KRT32: variants seen among roughly 807,000 people sequenced by gnomAD.
The protein encoded by KRT32 is keratin, type I cuticular Ha2.
A neutral mutation model predicts 41.8 loss-of-function variants in KRT32; 44 were observed. The ratio of observed to expected loss-of-function variants is 1.05; its 90% confidence interval spans 0.83 to 1.35. The LOEUF (loss-of-function observed/expected upper bound fraction) is 1.35. Among genes scored for constraint, KRT32 ranks in the 40% most tolerant of loss-of-function variants. The pLI is 0.00. For synonymous variants in KRT32, 238 were observed against 242.5 expected (o/e 0.98, Z 0.17); for missense variants, 576 against 584.6 (o/e 0.99, Z 0.15).
intron 6 of KRT32, among the ~76,000 whole-genome samples, chr17:41,461,452 G>A (rs1368810808): frequency 6.6e-6 from 1 of 152,228 alleles, no homozygotes; most frequent in Non-Finnish European, 1.5e-5. Context: ...ACCAATGGGA[G>A]GCCTGAGGAT....
In KRT32 at chr17:41,459,861, C is replaced by T. The variant is rs369796720; in HGVS notation, c.*249G>A. 2.2e-5 allele frequency: 8 copies of T among 356,802 alleles called. No individual in the cohort carries two copies. Among genetic ancestry groups the T allele is most frequent in the Admixed American group, 4.5e-5 (1 of 22,394 alleles). 22.1% of individuals were successfully genotyped at this position (356,802 alleles called of 1,614,324 possible). A position where few individuals can be genotyped will look rare whatever the true frequency, so the allele number is the denominator to read the frequency against. ...TATTTGCCAGTTAACTAAGAACACA[C>T]GCTCTTTGAGGCAGCACAGACAACC... On this transcript the variant is annotated 3_prime_UTR_variant, in exon 7 of 7. Coordinates refer to ENST00000225899, the MANE Select transcript of KRT32 (RefSeq NM_002278.3).
intron 3 of KRT32, among the ~76,000 whole-genome samples, chr17:41,464,735 A>G (rs558985486): frequency 6.6e-6 from 1 of 152,218 alleles, no homozygotes; most frequent in South Asian, 2.1e-4. Flanking sequence ...CGGTACCCCT[A>G]GTATTCCCAG....
Position 41,465,803 on chromosome 17 carries a change from C to A in KRT32, c.678G>T (p.Glu226Asp). The change falls in exon 3 of 7, where the codon GAG becomes GAT. Residue 226 changes from glutamate to aspartate, a missense_variant. Transcript: ENST00000225899. Reference protein sequence around the residue: ...LEAQVESLKEELMCLKKNHEE... With the variant: ...LEAQVESLKEDLMCLKKNHEE... Reference sequence around the variant, plus strand: ...CATGGTTCTTTTTGAGGCACATCAGCTCCTCCTTCAGGGACTCAACCTGGG... The same window carrying A: ...CATGGTTCTTTTTGAGGCACATCAGATCCTCCTTCAGGGACTCAACCTGGG... 6.2e-7 allele frequency: 1 copy of A among 1,613,030 alleles called. No homozygotes were observed. Among genetic ancestry groups the A allele is most frequent in the Non-Finnish European group, 8.5e-7 (1 of 1,179,470 alleles).
chr17:41,465,643 A>G (rs538728586), intron 3 of KRT32, 130 bp downstream of exon 3: 1 of 865,174 alleles, frequency 1.2e-6, no homozygotes, highest in African/African-American at 1.7e-5. Flanking sequence ...AAGATTCCAT[A>G]AATTGGGCAA....
At chr17:41,461,696 T>G (rs2019002651) in intron 6 of KRT32, among the ~76,000 whole-genome samples, 1 of 152,236 alleles carries the variant, frequency 6.6e-6, no homozygotes, top group Non-Finnish European at 1.5e-5. Context: ...TTTTCTACCA[T>G]CTCCGTATGA....
At chr17:41,465,040 T>G (rs2019051448) in intron 3 of KRT32, among the ~76,000 whole-genome samples, 1 of 152,142 alleles carries the variant, frequency 6.6e-6, no homozygotes, top group Admixed American at 6.5e-5. Flanking sequence ...TCAGAGGCAC[T>G]TGTTCATTCA....
intron 4 of KRT32, 33 bp downstream of exon 4, chr17:41,464,249 T>A (rs749270808): frequency 6.3e-7 from 1 of 1,586,230 alleles, no homozygotes; most frequent in Non-Finnish European, 8.6e-7. Flanking sequence ...CCTAGGGATA[T>A]GGAGGAGGCC....
In KRT32 at chr17:41,462,831, T is replaced by G. The variant is rs1246339678; in HGVS notation, c.1216A>C (p.Lys406Gln). Reference sequence around the variant, plus strand: ...TAAGCCTCAGCTGGGCCTGCGTACTTGCAGTCCTCGTTCTCCAGCAGGCTC... The same window carrying G: ...TAAGCCTCAGCTGGGCCTGCGTACTGGCAGTCCTCGTTCTCCAGCAGGCTC... ...YRSLLENEDCKLPCNPCSTPS... is the reference protein window; with the variant it reads ...YRSLLENEDCQLPCNPCSTPS... Residue 406 changes from lysine (K) to glutamine (Q), a missense_variant and splice_region_variant, in exon 6 of 7, where the codon AAG becomes CAG. Lys to Gln is a moderately conservative substitution (Grantham distance 53). Transcript: ENST00000225899. 2 of 1,613,072 alleles carry G rather than the reference T, an allele frequency of 1.2e-6. No individual in the cohort carries two copies.
Position 41,466,841 on chromosome 17 carries a change from C to A in KRT32, c.468+17G>T. On this transcript the variant is annotated intron_variant, in intron 1 of 6. Coordinates refer to ENST00000225899, the MANE Select transcript of KRT32 (RefSeq NM_002278.3). ...TTCCCTTCCCAGAGAGCCTATTCAC[C>A]TCACCGCTGCCCTCACCTTCTGCTG... 6.3e-7 allele frequency: 1 copy of A among 1,580,320 alleles called. No individual in the cohort carries two copies. The highest frequency in any genetic ancestry group is 8.7e-7 in the Non-Finnish European group (1 of 1,155,716).
chr17:41,464,481 G>C (rs2604958), intron 3 of KRT32, 38 bp from the exon 4 acceptor site: 400,059 of 1,509,044 alleles, frequency 0.27, 54,338 homozygotes, highest in East Asian at 0.38. Context: ...ATGTGACAAT[G>C]ATAGGATCCT....
At chr17:41,466,277 C>A in intron 1 of KRT32, 101 bp from the exon 2 acceptor site, 1 of 893,216 alleles carries the variant, frequency 1.1e-6, no homozygotes, top group Non-Finnish European at 1.8e-6. Context: ...TCCAGCAGCC[C>A]TGCAGCCATC....
Position 41,464,438 on chromosome 17 carries a change from G to T in KRT32, c.714C>A (p.Val238=). Residue 238 remains valine (V), a synonymous_variant, in exon 4 of 7, where the codon GTC becomes GTA. Coordinates refer to ENST00000225899, the MANE Select transcript of KRT32 (RefSeq NM_002278.3). ...MCLKKNHEEE[V]GSLRCQLGDR... is the part of the protein sequence containing the mutation. ...CCCCAAGCTGGCATCGAAGGGAACC[G>T]ACTTCCTGAAAAGGCACAAGACCTC... 6.4e-7 allele frequency: 1 copy of T among 1,556,126 alleles called. No homozygotes were observed.
At position 41,467,283 on chromosome 17, in the gene KRT32, G is replaced by A; in HGVS notation, c.43C>T (p.Leu15Phe). 6.2e-7 allele frequency: 1 copy of A among 1,612,972 alleles called. No individual in the cohort carries two copies. Among genetic ancestry groups the A allele is most frequent in the Non-Finnish European group, 8.5e-7 (1 of 1,179,750 alleles). Residue 15 changes from leucine to phenylalanine, a missense_variant, in exon 1 of 7, where the codon CTC becomes TTC. Coordinates refer to ENST00000225899, the MANE Select transcript of KRT32 (RefSeq NM_002278.3). ...CCVTNNLQAS[L>F]KSCPRPASVC... Reference sequence around the variant, plus strand: ...GAGGCAGGCCGGGGGCAGCTCTTGAGAGAGGCTTGCAAGTTGTTGGTGACA... The same window carrying A: ...GAGGCAGGCCGGGGGCAGCTCTTGAAAGAGGCTTGCAAGTTGTTGGTGACA...
At chr17:41,464,549 C>T (rs2019046912) in intron 3 of KRT32, 106 bp from the exon 4 acceptor site, 1 of 1,096,198 alleles carries the variant, frequency 9.1e-7, no homozygotes, top group Admixed American at 3.0e-5. Flanking sequence ...AAGATTGAAA[C>T]ATTAGATGGC....
At chr17:41,460,322 C>T (rs2018989696) in intron 6 of KRT32, 83 bp from the exon 7 acceptor site, 3 of 1,473,872 alleles carry the variant, frequency 2.0e-6, no homozygotes, top group East Asian at 2.5e-5. Context: ...CCCTCGGATG[C>T]CTCTCAACCC....
In KRT32 at chr17:41,467,029, G is replaced by A; in HGVS notation, c.297C>T (p.Thr99=). ...CCAGGCGGTCGTTAAGGAACTGCAT[G>A]GTTTCCTTCTCATTGCCATTGAAGG... ...EGAFNGNEKE[T]MQFLNDRLAS... The change falls in exon 1 of 7, where the codon ACC becomes ACT. Residue 99 remains threonine (T), a synonymous_variant. Transcript: ENST00000225899. 1 of 1,614,268 alleles carries A rather than the reference G, an allele frequency of 6.2e-7. No individual in the cohort carries two copies. Among genetic ancestry groups the A allele is most frequent in the Non-Finnish European group, 8.5e-7 (1 of 1,180,042 alleles).
In KRT32 at chr17:41,463,058, A is replaced by C; in HGVS notation, c.997-8T>G. 3 of 1,606,068 alleles carry C rather than the reference A, an allele frequency of 1.9e-6. No homozygotes were observed. Among genetic ancestry groups the C allele is most frequent in the Non-Finnish European group, 2.6e-6 (3 of 1,174,222 alleles). On this transcript the variant is annotated splice_region_variant and splice_polypyrimidine_tract_variant and intron_variant, in intron 5 of 6. Transcript: ENST00000225899. ...GTTTTCCAGGGAGTCCCTCTAAGGCAAAGGAAGACATAACCATGAGGAAGG... is the reference window on the plus strand; with the variant it reads ...GTTTTCCAGGGAGTCCCTCTAAGGCCAAGGAAGACATAACCATGAGGAAGG...
Position 41,464,185 on chromosome 17 carries a change from G to A in KRT32, c.889C>T (p.Gln297Ter), listed in dbSNP as rs1215402260. Reference protein sequence around the residue: ...FNMQMEELNQQVATSSEQLQN... With the variant: ...FNMQMEELNQ Reference sequence around the variant, plus strand: ...AGCTGCTCAGAGCTTGTGGCCACCTGTTGGTTAAGCTCCTCCATCTGCAGT... The same window carrying A: ...AGCTGCTCAGAGCTTGTGGCCACCTATTGGTTAAGCTCCTCCATCTGCAGT... The change falls in exon 5 of 7, where the codon CAG (glutamine) becomes TAG (stop). Residue 297 changes from glutamine (Q) to a stop codon, truncating the protein, a stop_gained. Transcript: ENST00000225899. LOFTEE classifies it high-confidence loss of function. 1.9e-6 allele frequency: 3 copies of A among 1,609,282 alleles called. No homozygotes were observed. Among genetic ancestry groups the A allele is most frequent in the African/African-American group, 2.7e-5 (2 of 74,826 alleles).
At position 41,462,993 on chromosome 17, in the gene KRT32, C is replaced by T; in HGVS notation, c.1054G>A (p.Ala352Thr). Residue 352 changes from alanine (A) to threonine (T), a missense_variant, in exon 6 of 7, where the codon GCC (alanine) becomes ACC (threonine). Coordinates refer to ENST00000225899, the MANE Select transcript of KRT32 (RefSeq NM_002278.3). Reference sequence around the variant, plus strand: ...TTGGTGATCATGCACTGCATCTGGGCCAGCTGGGAGCTGTAGCGGGCCTCA... The same window carrying T: ...TTGGTGATCATGCACTGCATCTGGGTCAGCTGGGAGCTGTAGCGGGCCTCA... ...ESEARYSSQL[A>T]QMQCMITNVE... 1 of 1,614,150 alleles carries T rather than the reference C, an allele frequency of 6.2e-7. No homozygotes were observed. The highest frequency in any genetic ancestry group is 1.1e-5 in the South Asian group (1 of 91,072).
Sources: gnomAD v4.1 joint callset for allele counts (sites outside exome capture counted in the v4.1 genomes callset) on GRCh38, gnomAD v4.1.1 for gene constraint, MANE v1.5 for transcripts, NCBI Gene and HGNC (gene_info 2026-07-23, HGNC 2026-07-21) for gene names.